NAV1: variants seen among roughly 807,000 people sequenced by gnomAD.
NAV1 encodes the protein neuron navigator 1, also known as pore membrane and/or filament interacting like protein 3.
NAV1 carries 18 observed loss-of-function variants against 175.2 expected under a neutral mutation model. That is an observed-to-expected ratio of 0.10 (90% CI 0.07 to 0.15). The LOEUF (loss-of-function observed/expected upper bound fraction) is 0.15, where lower values mean the gene tolerates loss of function less well. Among genes scored for constraint, NAV1 ranks in the 10% least tolerant of loss-of-function variants. The pLI is 1.00. For synonymous variants in NAV1, 897 were observed against 978.7 expected (o/e 0.92, Z 1.56); for missense variants, 1,731 against 2,436.6 (o/e 0.71, Z 6.10).
chr1:201,606,741 C>T (rs1467604353), intron 2 of NAV1, among the ~76,000 whole-genome samples: 2 of 152,220 alleles, frequency 1.3e-5, no homozygotes, highest in Non-Finnish European at 2.9e-5. Context: ...TTTTCTCCAG[C>T]TTTGCTCCCC....
At chr1:201,623,636 G>T (rs921507607) in intron 1 of NAV1, 30 bp downstream of exon 3, 38 of 986,406 alleles carry the variant, frequency 3.9e-5, no homozygotes, top group Non-Finnish European at 4.5e-5. Flanking sequence ...GGGAGGGAAG[G>T]GGGAAGAGCC....
chr1:201,807,728 A>G lies in NAV1; in HGVS notation c.3649-225A>G, dbSNP rs565735661. 6.6e-5 allele frequency among the ~76,000 whole-genome samples: 10 copies of G among 152,208 alleles called. No individual in the cohort carries two copies. In the East Asian group the frequency reaches 1.4e-3, roughly 21 times the overall value. ...TCACTCTGTTGCCAGGCTGGAGTGC[A>G]GTGGCTCGATCTCAGCTCACTGCAA... On this transcript the variant is annotated intron_variant, in intron 17 of 29. Transcript: ENST00000367296. The surrounding 1 kb of genome is among the most constrained non-coding windows in gnomAD (Gnocchi z 5.4).
chr1:201,730,957 C>T (rs11584710), intron 3 of NAV1, among the ~76,000 whole-genome samples: 37,168 of 152,112 alleles, frequency 0.24, 5,163 homozygotes, highest in Non-Finnish European at 0.32. Flanking sequence ...TCCAAAGATG[C>T]TGAAGGACTG....
chr1:201,816,612 T>C (rs1448259802), intron 28 of NAV1, among the ~76,000 whole-genome samples: 1 of 151,748 alleles, frequency 6.6e-6, no homozygotes, highest in Non-Finnish European at 1.5e-5. Context: ...TTTCCTTGTT[T>C]GGAAACTCAG....
intron 2 of NAV1, among the ~76,000 whole-genome samples, chr1:201,631,962 G>A (rs1245209267): frequency 6.6e-6 from 1 of 152,134 alleles, no homozygotes; most frequent in Non-Finnish European, 1.5e-5. Flanking sequence ...AATGAGTAAG[G>A]AATCCAATGT....
At chr1:201,606,470 G>A (rs1667680560) in intron 2 of NAV1, among the ~76,000 whole-genome samples, 1 of 152,200 alleles carries the variant, frequency 6.6e-6, no homozygotes, top group South Asian at 2.1e-4. Context: ...AAGGCCACGG[G>A]TCATCTTGTC....
intron 2 of NAV1, among the ~76,000 whole-genome samples, chr1:201,599,047 G>A (rs1667443319): frequency 6.6e-6 from 1 of 152,190 alleles, no homozygotes; most frequent in Non-Finnish European, 1.5e-5. Flanking sequence ...GCCCCACTTA[G>A]CATATGGGGA....
At chr1:201,809,256 A>G in exon 21 of NAV1, 2 of 1,613,924 alleles carry the variant, frequency 1.2e-6, no homozygotes, top group Non-Finnish European at 1.7e-6. Context: ...GCACATCATC[A>G]AAGGGGTAAG....
chr1:201,781,455 C>A (rs1200019076), intron 5 of NAV1, 146 bp downstream of exon 9: 1 of 792,588 alleles, frequency 1.3e-6, no homozygotes, highest in Non-Finnish European at 1.9e-6. Context: ...AAGGACAGTC[C>A]CGTGAGTTAG....
chr1:201,732,688 A>G (rs6690325), intron 3 of NAV1, among the ~76,000 whole-genome samples: 58,375 of 152,190 alleles, frequency 0.38, 11,547 homozygotes, highest in Non-Finnish European at 0.42. Context: ...TTGCTCATAC[A>G]TTCCACAAAC....
intron 1 of NAV1, among the ~76,000 whole-genome samples, chr1:201,580,890 A>C (rs753208900): frequency 1.6e-4 from 25 of 152,278 alleles, no homozygotes; most frequent in Admixed American, 3.9e-4. Flanking sequence ...GTTATGCTTG[A>C]GCTAAACTTT....
exon 30 of NAV1, chr1:201,822,619 G>C (rs1292234862): frequency 6.6e-6 from 1 of 152,608 alleles, no homozygotes; most frequent in Non-Finnish European, 1.5e-5. Flanking sequence ...CTCATGCTAT[G>C]ACTTTTTATT....
chr1:201,780,967 A>G, intron 4 of NAV1, 45 bp from the exon 9 acceptor site: 1 of 1,534,458 alleles, frequency 6.5e-7, no homozygotes, highest in Non-Finnish European at 8.8e-7. Context: ...CCAGTCTCCC[A>G]TCTGCATAGA....
At chr1:201,648,480 T>A in exon 1 of NAV1, 1 of 1,142,826 alleles carries the variant, frequency 8.8e-7, no homozygotes, top group Non-Finnish European at 1.1e-6. Context: ...TTCTTTCCCC[T>A]GCGCCCTCGG....
chr1:201,609,321 G>A (rs565028527), intron 2 of NAV1, among the ~76,000 whole-genome samples: 2 of 152,390 alleles, frequency 1.3e-5, no homozygotes, highest in Non-Finnish European at 2.9e-5. Flanking sequence ...TAACAGGTTT[G>A]ACTCTAGGTC....
chr1:201,639,246 G>C (rs1668684819), intron 2 of NAV1, among the ~76,000 whole-genome samples: 1 of 152,250 alleles, frequency 6.6e-6, no homozygotes, highest in African/African-American at 2.4e-5. Flanking sequence ...AGTACTGCGT[G>C]TTGGCCAGCA....
chr1:201,645,834 GTGT>G (rs1225318761), upstream of NAV1, among the ~76,000 whole-genome samples: 3 of 152,238 alleles, frequency 2.0e-5, no homozygotes, highest in Non-Finnish European at 4.4e-5. Flanking sequence ...CAGAGAATAG[GTGT>G]TGTCGGATTC....
intron 2 of NAV1, among the ~76,000 whole-genome samples, chr1:201,637,725 T>C (rs1041151977): frequency 1.3e-5 from 2 of 152,160 alleles, no homozygotes; most frequent in Non-Finnish European, 1.5e-5. Context: ...ATCCAACACA[T>C]GGGCACAGCC....
intron 1 of NAV1, among the ~76,000 whole-genome samples, chr1:201,709,214 A>G (rs1290176356): frequency 6.6e-6 from 1 of 151,524 alleles, no homozygotes; most frequent in East Asian, 1.9e-4. Flanking sequence ...CGGAAGCCCT[A>G]GATACCTTCA....
Sources: gnomAD v4.1 joint callset for allele counts (sites outside exome capture counted in the v4.1 genomes callset) on GRCh38, gnomAD v4.1.1 for gene constraint, Gnocchi (gnomAD v3.1) non-coding constraint, MANE v1.5 for transcripts, NCBI Gene and HGNC (gene_info 2026-07-23, HGNC 2026-07-21) for gene names.